Variants in SLC2A9 observed in about 807,000 individuals in gnomAD.
SLC2A9 encodes the protein solute carrier family 2 member 9, also known as solute carrier family 2, facilitated glucose transporter member 9.
Under a neutral mutation model 50.6 loss-of-function variants are expected in SLC2A9, and 39 were observed. That is an observed-to-expected ratio of 0.77 (90% confidence interval 0.60 to 1.01). The LOEUF is 1.01. Among genes scored for constraint, SLC2A9 ranks in the 50% least tolerant of loss-of-function variants. The pLI is 0.00. For synonymous variants in SLC2A9, 324 were observed against 276.9 expected, an observed-to-expected ratio of 1.17 and a Z score of -1.69; for missense variants, 686 against 677.6, an observed-to-expected ratio of 1.01 and a Z score of -0.14.
chr4:9,920,691 C>A, intron 6 of SLC2A9, 119 bp from the exon 7 acceptor site: 1 of 1,188,506 alleles, frequency 8.4e-7, no homozygotes, highest in Non-Finnish European at 1.2e-6. Flanking sequence ...GGGGGCGGAA[C>A]TTGGCAGGGG....
chr4:9,798,325 G>A (rs1720844849), downstream of SLC2A9, among the ~76,000 whole-genome samples: 2 of 152,238 alleles, frequency 1.3e-5, no homozygotes, highest in South Asian at 4.1e-4. Context: ...CACTTGCCCA[G>A]CTGATTTAGA....
chr4:9,800,370 G>A (rs186571815), intron 3 of SLC2A9, among the ~76,000 whole-genome samples: 47 of 152,350 alleles, frequency 3.1e-4, no homozygotes, highest in Non-Finnish European at 5.4e-4. Flanking sequence ...GCCCTATGGA[G>A]TATGGTGGAC....
At chr4:10,020,978 G>A (rs1441008568) in intron 1 of SLC2A9, among the ~76,000 whole-genome samples, 1 of 152,198 alleles carries the variant, frequency 6.6e-6, no homozygotes, top group African/African-American at 2.4e-5. Context: ...CCCTGGGGAG[G>A]GTGAGAAGAG....
At chr4:9,874,848 T>C (rs955847619) in intron 10 of SLC2A9, among the ~76,000 whole-genome samples, 1 of 152,200 alleles carries the variant, frequency 6.6e-6, no homozygotes, top group African/African-American at 2.4e-5. Flanking sequence ...TAAGTTAGTG[T>C]CTGTCTAATG....
At chr4:9,813,394 T>C (rs1723137283) in intron 3 of SLC2A9, among the ~76,000 whole-genome samples, 1 of 152,220 alleles carries the variant, frequency 6.6e-6, no homozygotes, top group Non-Finnish European at 1.5e-5. Flanking sequence ...ATTTCTTTTT[T>C]CCCTCTTCGC....
intron 5 of SLC2A9, among the ~76,000 whole-genome samples, chr4:9,967,288 A>G (rs986824423): frequency 5.9e-5 from 9 of 152,200 alleles, no homozygotes; most frequent in Non-Finnish European, 1.3e-4. Context: ...AATGGAATGA[A>G]CCAAATTATG....
At chr4:9,839,923 T>C (rs1351120992) in intron 10 of SLC2A9, among the ~76,000 whole-genome samples, 1 of 152,116 alleles carries the variant, frequency 6.6e-6, no homozygotes, top group Admixed American at 6.6e-5. Context: ...AACAAACCCT[T>C]ATGAAACACA....
At chr4:10,032,171 G>A (rs570052092) in intron 1 of SLC2A9, among the ~76,000 whole-genome samples, 4 of 152,240 alleles carry the variant, frequency 2.6e-5, no homozygotes, top group South Asian at 2.1e-4. Flanking sequence ...TTAAATTGAC[G>A]TTCAGGTACC....
intron 3 of SLC2A9, among the ~76,000 whole-genome samples, chr4:9,787,170 C>A (rs1275778822): frequency 6.6e-6 from 1 of 152,164 alleles, no homozygotes; most frequent in Non-Finnish European, 1.5e-5. Context: ...AACACATGCC[C>A]CAGAACTTGT....
At chr4:10,005,775 G>A (rs887605745) in intron 2 of SLC2A9, among the ~76,000 whole-genome samples, 6 of 152,214 alleles carry the variant, frequency 3.9e-5, no homozygotes, top group African/African-American at 1.4e-4. Flanking sequence ...GGCCTTGGGT[G>A]ATCTTAAGCA....
intron 5 of SLC2A9, among the ~76,000 whole-genome samples, chr4:9,956,133 C>A (rs975699673): frequency 6.6e-5 from 10 of 151,470 alleles, no homozygotes; most frequent in African/African-American, 2.4e-4. Flanking sequence ...CCTGCCTCGG[C>A]CTCCCAAAAT....
At chr4:9,923,311 C>G (rs1744268399) in intron 6 of SLC2A9, among the ~76,000 whole-genome samples, 1 of 152,218 alleles carries the variant, frequency 6.6e-6, no homozygotes, top group Admixed American at 6.5e-5. Context: ...GCCAGAATGA[C>G]TCAGTGAGTT....
intron 2 of SLC2A9, chr4:10,009,340 T>C (rs944017338): frequency 3.3e-5 from 5 of 152,216 alleles, no homozygotes; most frequent in Admixed American, 3.3e-4. Flanking sequence ...CAGAACTTGC[T>C]TTTGGGTTCT....
At chr4:9,813,227 T>C (rs558256340) in intron 3 of SLC2A9, among the ~76,000 whole-genome samples, 4 of 152,326 alleles carry the variant, frequency 2.6e-5, no homozygotes, top group Admixed American at 2.6e-4. Context: ...GTTGGTGTGA[T>C]ACTCATGGCT....
chr4:9,775,061 G>A (rs868506914), downstream of SLC2A9, among the ~76,000 whole-genome samples: 5 of 152,212 alleles, frequency 3.3e-5, no homozygotes, highest in African/African-American at 4.8e-5. Context: ...GCATAATGAC[G>A]GGCACTTCTG....
downstream of SLC2A9, among the ~76,000 whole-genome samples, chr4:9,777,387 C>T (rs1420843689): frequency 6.6e-6 from 1 of 150,864 alleles, no homozygotes; most frequent in Admixed American, 6.6e-5. Flanking sequence ...TCTTGATATA[C>T]TTTATCATCT....
chr4:10,027,904 A>C (rs1252604176), intron 1 of SLC2A9, among the ~76,000 whole-genome samples: 3 of 152,178 alleles, frequency 2.0e-5, no homozygotes. Flanking sequence ...TAATAACTAT[A>C]GTTACCCTGC....
intron 10 of SLC2A9, among the ~76,000 whole-genome samples, chr4:9,857,104 G>A (rs1045854219): frequency 1.3e-5 from 2 of 152,010 alleles, no homozygotes; most frequent in African/African-American, 4.8e-5. Context: ...CCCCTGAAAC[G>A]AAAAGTTAAA....
At chr4:9,915,384 T>C (rs919737303) in intron 7 of SLC2A9, among the ~76,000 whole-genome samples, 1 of 152,212 alleles carries the variant, frequency 6.6e-6, no homozygotes, top group African/African-American at 2.4e-5. Flanking sequence ...ATTACAGGCA[T>C]GTGCCACCAC....
Sources: allele counts gnomAD v4.1 joint callset (sites outside exome capture counted in the v4.1 genomes callset), GRCh38; gene constraint gnomAD v4.1.1; transcripts MANE v1.5; gene names NCBI Gene and HGNC (gene_info 2026-07-23, HGNC 2026-07-21).